RANBP17: variants seen among roughly 807,000 people sequenced by gnomAD.
RANBP17 encodes RAN binding protein 17.
A neutral mutation model predicts 141.2 loss-of-function variants in RANBP17; 158 were observed. That is an observed-to-expected ratio of 1.12 (90% CI 0.98 to 1.28). The LOEUF is 1.28. Ranked by LOEUF, RANBP17 falls within the 50% of genes most tolerant of loss-of-function variation. RANBP17 has a pLI of 0.00. For synonymous variants in RANBP17, 430 were observed against 450.0 expected (o/e 0.96, Z 0.56); for missense variants, 1,438 against 1,290.7 (o/e 1.11, Z -1.75).
intron 18 of RANBP17, among the ~76,000 whole-genome samples, chr5:171,196,067 C>T (rs1761961229): frequency 6.6e-6 from 1 of 152,154 alleles, no homozygotes; most frequent in Non-Finnish European, 1.5e-5. Context: ...TCCCAGGGAA[C>T]TTACGTCCTA....
At chr5:171,267,696 A>G (rs560762760) in intron 25 of RANBP17, among the ~76,000 whole-genome samples, 8 of 152,210 alleles carry the variant, frequency 5.3e-5, no homozygotes, top group South Asian at 4.1e-4. Context: ...ATTCCCAGCT[A>G]TGTGGGAGGC....
chr5:171,073,744 G>A (rs1235052885), intron 14 of RANBP17, among the ~76,000 whole-genome samples: 2 of 151,998 alleles, frequency 1.3e-5, no homozygotes, highest in African/African-American at 4.8e-5. Context: ...AGGAAGCAGG[G>A]CTTCCTGGAG....
At chr5:171,137,586 G>GTGTGTGTGTC (rs1757379758) in intron 14 of RANBP17, among the ~76,000 whole-genome samples, 1 of 143,782 alleles carries the variant, frequency 7.0e-6, no homozygotes, top group Non-Finnish European at 1.5e-5. Context: ...GTGTGTGTGT[G>GTGTGTGTGTC]TGTGTGTGTG....
chr5:171,165,610 T>C (rs1359557786), intron 14 of RANBP17, among the ~76,000 whole-genome samples: 1 of 152,206 alleles, frequency 6.6e-6, no homozygotes, highest in East Asian at 1.9e-4. Context: ...TCTGTGCTTT[T>C]TCTACTTGCT....
chr5:171,217,443 G>T (rs1260952306), intron 21 of RANBP17, among the ~76,000 whole-genome samples: 3 of 152,068 alleles, frequency 2.0e-5, no homozygotes, highest in African/African-American at 7.2e-5. Flanking sequence ...TTAAGGAGGG[G>T]TCTGTCTTTT....
intron 6 of RANBP17, 27 bp from the exon 7 acceptor site, chr5:170,910,941 GT>G (rs1436530758): frequency 8.1e-6 from 13 of 1,602,018 alleles, no homozygotes; most frequent in Non-Finnish European, 1.1e-5. Context: ...ATTTCGCAGT[GT>G]TTTCTTTGAT....
intron 16 of RANBP17, among the ~76,000 whole-genome samples, chr5:171,174,812 T>A (rs1175753983): frequency 6.6e-6 from 1 of 150,932 alleles, no homozygotes; most frequent in Non-Finnish European, 1.5e-5. Context: ...GTCCTTTTTT[T>A]AAATATACTT....
At chr5:171,058,153 G>A (rs938988502) in intron 14 of RANBP17, among the ~76,000 whole-genome samples, 1 of 151,468 alleles carries the variant, frequency 6.6e-6, no homozygotes, top group African/African-American at 2.4e-5. Flanking sequence ...CTAATAAAAT[G>A]TATTTTTTTA....
intron 25 of RANBP17, among the ~76,000 whole-genome samples, chr5:171,275,705 G>A (rs749069743): frequency 4.6e-5 from 7 of 152,092 alleles, no homozygotes; most frequent in Non-Finnish European, 1.0e-4. Flanking sequence ...GCTAAATCAG[G>A]CCTAGATTAG....
chr5:171,182,850 C>T (rs761351167), intron 16 of RANBP17, among the ~76,000 whole-genome samples: 8 of 152,128 alleles, frequency 5.3e-5, no homozygotes, highest in Non-Finnish European at 1.0e-4. Flanking sequence ...TCGTAAGTTA[C>T]ACCCAAAATA....
At chr5:170,968,464 T>A (rs1776752417) in intron 14 of RANBP17, 87 bp downstream of exon 14, 1 of 1,202,964 alleles carries the variant, frequency 8.3e-7, no homozygotes, top group African/African-American at 1.5e-5. Context: ...TTGGGAAATT[T>A]CTACATAAGA....
intron 12 of RANBP17, among the ~76,000 whole-genome samples, chr5:170,931,780 A>T (rs1397625036): frequency 2.0e-5 from 3 of 152,102 alleles, no homozygotes; most frequent in African/African-American, 7.2e-5. Context: ...CTGTTTTGGT[A>T]CCAGTACCAT....
chr5:171,223,462 C>T (rs532267775), intron 22 of RANBP17, among the ~76,000 whole-genome samples: 10 of 152,136 alleles, frequency 6.6e-5, no homozygotes, highest in East Asian at 3.9e-4. Flanking sequence ...GGTGAAACCC[C>T]GTCTCTACCA....
chr5:171,058,279 T>A (rs954056174), intron 14 of RANBP17, among the ~76,000 whole-genome samples: 1 of 150,322 alleles, frequency 6.7e-6, no homozygotes, highest in Non-Finnish European at 1.5e-5. Flanking sequence ...TCATTTAGCA[T>A]TAGGTATATC....
intron 22 of RANBP17, among the ~76,000 whole-genome samples, chr5:171,233,494 T>A (rs910161077): frequency 6.6e-6 from 1 of 152,164 alleles, no homozygotes; most frequent in African/African-American, 2.4e-5. Flanking sequence ...AAACTGATTT[T>A]TTTCAATAGG....
At chr5:170,935,608 T>C (rs972491092) in intron 12 of RANBP17, among the ~76,000 whole-genome samples, 10 of 152,144 alleles carry the variant, frequency 6.6e-5, no homozygotes, top group South Asian at 6.2e-4. Flanking sequence ...TATCACCAGC[T>C]GAGGCTGCAG....
chr5:171,001,140 T>C (rs1189449716), intron 14 of RANBP17, among the ~76,000 whole-genome samples: 1 of 152,098 alleles, frequency 6.6e-6, no homozygotes, highest in Non-Finnish European at 1.5e-5. Context: ...GGGCAATGTT[T>C]CTCAGGGCTG....
chr5:170,910,454 T>C (rs999335062), intron 6 of RANBP17: 1 of 152,446 alleles, frequency 6.6e-6, no homozygotes, highest in East Asian at 1.9e-4. Flanking sequence ...ATTTTTCTTT[T>C]AACACAGAAA....
At chr5:170,893,113 A>C (rs1007221420) in intron 4 of RANBP17, among the ~76,000 whole-genome samples, 8 of 152,268 alleles carry the variant, frequency 5.3e-5, no homozygotes, top group Admixed American at 3.3e-4. Context: ...TAGGTATCAA[A>C]TAGGTACAGC....
Sources: allele counts gnomAD v4.1 joint callset (sites outside exome capture counted in the v4.1 genomes callset), GRCh38; gene constraint gnomAD v4.1.1; transcripts MANE v1.5; gene names NCBI Gene and HGNC (gene_info 2026-07-23, HGNC 2026-07-21).